Variants in DSTN observed in about 807,000 individuals in gnomAD.
DSTN encodes the protein destrin, actin depolymerizing factor.
A neutral mutation model predicts 16.8 loss-of-function variants in DSTN; 10 were observed. The ratio of observed to expected loss-of-function variants is 0.60; its 90% CI spans 0.37 to 1.01. The LOEUF (loss-of-function observed/expected upper bound fraction) is 1.01. DSTN is among the 50% of genes least tolerant of loss of function. The probability of loss-of-function intolerance (pLI) is 0.01; values close to 1 mark genes in which losing one functional copy is unlikely to be tolerated. For synonymous variants in DSTN, 57 were observed against 58.9 expected, an observed-to-expected ratio of 0.97 and a Z score of 0.14; for missense variants, 141 against 196.7, an observed-to-expected ratio of 0.72 and a Z score of 1.69.
At chr20:17,603,968 A>G (rs1459409728) in intron 2 of DSTN, among the ~76,000 whole-genome samples, 1 of 152,258 alleles carries the variant, frequency 6.6e-6, no homozygotes, top group Non-Finnish European at 1.5e-5. Flanking sequence ...GAAGTCTAAG[A>G]AAAGGACTTT....
intron 1 of DSTN, among the ~76,000 whole-genome samples, chr20:17,597,520 G>A (rs1167349816): frequency 6.6e-6 from 1 of 152,142 alleles, no homozygotes; most frequent in Non-Finnish European, 1.5e-5. Flanking sequence ...TACATGCATG[G>A]ATGGTAGCAG....
At chr20:17,590,336 A>G (rs2035456237) in intron 1 of DSTN, among the ~76,000 whole-genome samples, 1 of 152,218 alleles carries the variant, frequency 6.6e-6, no homozygotes, top group Non-Finnish European at 1.5e-5. Context: ...AGGGCCTCAG[A>G]TGTATTGATT....
At chr20:17,601,259 G>GTT (rs150970081) in intron 2 of DSTN, among the ~76,000 whole-genome samples, 2,376 of 135,188 alleles carry the variant, frequency 0.018, 95 homozygotes, top group African/African-American at 0.058. Flanking sequence ...GTGACTCTCC[G>GTT]TTTTTGTTTT....
chr20:17,597,504 T>C (rs1198321804), intron 1 of DSTN, among the ~76,000 whole-genome samples: 7 of 152,178 alleles, frequency 4.6e-5, no homozygotes, highest in Non-Finnish European at 1.0e-4. Context: ...ACAAGTGTAA[T>C]TTTGCTACAT....
At position 17,577,147 on chromosome 20, in the gene DSTN, C is replaced by T. The variant is rs6136134; in HGVS notation, c.3+6936C>T. Among the ~76,000 whole-genome samples, 958 of 152,280 alleles carry T rather than the reference C, an allele frequency of 6.3e-3. 25 individuals carry two copies. In the East Asian group the frequency reaches 0.081, roughly 13 times the overall value. ...TGTGTTTGGACTTGGGTCCTATTCC[C>T]AAGCTATCTCATTATGTATATGCAA... On this transcript the variant is annotated intron_variant, in intron 1 of 3. Coordinates refer to ENST00000246069, the MANE Select transcript of DSTN (RefSeq NM_006870.4).
intron 2 of DSTN, among the ~76,000 whole-genome samples, chr20:17,602,046 G>GT (rs1038240085): frequency 5.9e-5 from 9 of 152,052 alleles, no homozygotes; most frequent in African/African-American, 1.9e-4. Context: ...ATAGCTTGGA[G>GT]TGTAAAAGGG....
At chr20:17,602,029 G>T (rs2035592968) in intron 2 of DSTN, among the ~76,000 whole-genome samples, 1 of 151,674 alleles carries the variant, frequency 6.6e-6, no homozygotes, top group African/African-American at 2.4e-5. Flanking sequence ...TTAGCTATGT[G>T]CCATCAATAG....
intron 1 of DSTN, among the ~76,000 whole-genome samples, chr20:17,581,220 C>T (rs1282487833): frequency 6.6e-6 from 1 of 152,094 alleles, no homozygotes; most frequent in Non-Finnish European, 1.5e-5. Flanking sequence ...GTGACCCATG[C>T]TTGTAATCCC....
chr20:17,587,854 T>C (rs1333965256), intron 1 of DSTN, among the ~76,000 whole-genome samples: 1 of 152,234 alleles, frequency 6.6e-6, no homozygotes. Flanking sequence ...TGTGTTACTT[T>C]ATATCAAACT....
At chr20:17,581,325 T>C (rs1451320059) in intron 1 of DSTN, among the ~76,000 whole-genome samples, 2 of 151,966 alleles carry the variant, frequency 1.3e-5, no homozygotes, top group East Asian at 3.9e-4. Flanking sequence ...TACCAAAAAA[T>C]AAAACATAAA....
intron 1 of DSTN, among the ~76,000 whole-genome samples, chr20:17,588,092 G>A (rs998997026): frequency 4.6e-5 from 7 of 152,034 alleles, no homozygotes; most frequent in Admixed American, 6.5e-5. Context: ...CTCCAGGCAC[G>A]TTTCCCCTTT....
chr20:17,586,825 A>T (rs1336730692), intron 1 of DSTN, among the ~76,000 whole-genome samples: 1 of 152,170 alleles, frequency 6.6e-6, no homozygotes, highest in Non-Finnish European at 1.5e-5. Flanking sequence ...AGTCCTTTTG[A>T]GTTAGCAGTA....
chr20:17,583,052 G>A (rs2035363405), intron 1 of DSTN, among the ~76,000 whole-genome samples: 1 of 152,196 alleles, frequency 6.6e-6, no homozygotes, highest in African/African-American at 2.4e-5. Flanking sequence ...TTGAATAGCT[G>A]TTTCTCTAAA....
intron 1 of DSTN, among the ~76,000 whole-genome samples, chr20:17,590,147 G>A (rs1200437074): frequency 1.3e-5 from 2 of 152,166 alleles, no homozygotes; most frequent in Non-Finnish European, 2.9e-5. Context: ...TAATGCTCAC[G>A]TTTCAAAGGT....
In DSTN at chr20:17,570,126, T is replaced by G. The variant is rs935877919; in HGVS notation, c.-83T>G. ...GTCAGCTCAGCGCTGGGTCTCTCGG[T>G]CCCGCAGCCGTGAGGAGGACGGTCT... On this transcript the variant is annotated 5_prime_UTR_variant, in exon 1 of 4. Coordinates refer to ENST00000246069, the MANE Select transcript of DSTN (RefSeq NM_006870.4). 6 of 1,506,706 alleles carry G rather than the reference T, an allele frequency of 4.0e-6. No homozygotes were observed. The highest frequency in any genetic ancestry group is 3.7e-5 in the South Asian group (3 of 82,162). The allele number at this position is 1,506,706 out of a possible 1,614,324, so 93.3% of individuals were successfully genotyped here. A position where few individuals can be genotyped will look rare whatever the true frequency, so the allele number is the denominator to read the frequency against.
At chr20:17,586,344 A>G (rs2122180577) in intron 1 of DSTN, among the ~76,000 whole-genome samples, 1 of 152,332 alleles carries the variant, frequency 6.6e-6, no homozygotes, top group South Asian at 2.1e-4. Flanking sequence ...ATACTAGGAA[A>G]AGGGACATAT....
At chr20:17,590,643 T>C (rs2035459305) in intron 1 of DSTN, among the ~76,000 whole-genome samples, 1 of 152,252 alleles carries the variant, frequency 6.6e-6, no homozygotes, top group Admixed American at 6.5e-5. Flanking sequence ...GCAAACTTGG[T>C]GCTATGTTCA....
At chr20:17,574,506 A>G (rs1170912059) in intron 1 of DSTN, among the ~76,000 whole-genome samples, 1 of 152,046 alleles carries the variant, frequency 6.6e-6, no homozygotes, top group Non-Finnish European at 1.5e-5. Flanking sequence ...CACACAGTAG[A>G]TATATGGGAA....
intron 1 of DSTN, among the ~76,000 whole-genome samples, chr20:17,593,247 T>G (rs1011956671): frequency 1.8e-4 from 28 of 152,336 alleles, no homozygotes; most frequent in Middle Eastern, 3.4e-3. Context: ...AGCTACTTTC[T>G]TTAAATTCCC....
Sources: gnomAD v4.1 joint callset for allele counts (sites outside exome capture counted in the v4.1 genomes callset) on GRCh38, gnomAD v4.1.1 for gene constraint, MANE v1.5 for transcripts, NCBI Gene and HGNC (gene_info 2026-07-23, HGNC 2026-07-21) for gene names.